Variants in C15orf40 observed in about 807,000 individuals in gnomAD.
The protein encoded by C15orf40 is chromosome 15 open reading frame 40.
A neutral mutation model predicts 13.9 loss-of-function variants in C15orf40; 9 were observed. The ratio of observed to expected loss-of-function variants is 0.65; its 90% confidence interval spans 0.39 to 1.13. C15orf40 has a LOEUF of 1.13. Among genes scored for constraint, C15orf40 ranks in the 50% most tolerant of loss-of-function variants. The pLI is 0.01. For missense variants in C15orf40, 225 were observed against 188.5 expected, an observed-to-expected ratio of 1.19 and a Z score of -1.13; for synonymous variants, 95 against 69.2, an observed-to-expected ratio of 1.37 and a Z score of -1.85.
chr15:83,011,172 T>A (rs1315965176), intron 1 of C15orf40: 10 of 274,020 alleles, frequency 3.6e-5, no homozygotes, highest in Non-Finnish European at 5.5e-5. Flanking sequence ...GAAACGCAGG[T>A]CATGCCGCTG....
rs943044010 is a variant in C15orf40 at position 82,997,217 on chromosome 15, T to TA, written c.*8379_*8380insT. 2 of 93,264 alleles carry TA rather than the reference T, an allele frequency of 2.1e-5. No individual in the cohort carries two copies. The highest frequency in any genetic ancestry group is 4.0e-5 in the Non-Finnish European group (2 of 49,438). The allele number at this position is 93,264 out of a possible 1,614,324, so 5.8% of individuals were successfully genotyped here. On this transcript the variant is annotated 3_prime_UTR_variant, in exon 4 of 4. Transcript: ENST00000304177. The stretch of plus-strand genomic sequence containing the variant: ...TGTTTTTCATTTTTATTTATTTATT[T>TA]TTATTTTTTTTTAATTTATTTTTTT...
intron 1 of C15orf40, 120 bp from the exon 2 acceptor site, chr15:83,010,483 G>GAAGTCCCT: frequency 1.7e-6 from 2 of 1,186,172 alleles, no homozygotes; most frequent in Non-Finnish European, 2.4e-6. Context: ...GTGGTGTCCA[G>GAAGTCCCT]GGACTTCTGG....
intron 3 of C15orf40, among the ~76,000 whole-genome samples, chr15:83,007,526 AC>A (rs1596410165): frequency 6.6e-6 from 1 of 152,342 alleles, no homozygotes; most frequent in East Asian, 1.9e-4. Context: ...AAAGTTATAA[AC>A]AACTAGTTTC....
At chr15:83,006,288 GA>G in intron 3 of C15orf40, 7 of 742,472 alleles carry the variant, frequency 9.4e-6, no homozygotes, top group Non-Finnish European at 1.1e-5. Flanking sequence ...AGTTAAAAAT[GA>G]AAATCATCTT....
chr15:82,989,204 AAT>A, downstream of C15orf40: 3 of 1,609,550 alleles, frequency 1.9e-6, no homozygotes, highest in Non-Finnish European at 2.5e-6. Context: ...TATTCAAAAG[AAT>A]AAATGCAGAT....
chr15:83,010,473 G>C (rs1421404774), intron 1 of C15orf40, 110 bp from the exon 2 acceptor site: 1 of 1,324,840 alleles, frequency 7.5e-7, no homozygotes, highest in Non-Finnish European at 1.1e-6. Context: ...AGGCTCATCA[G>C]TGGTGTCCAG....
chr15:83,006,676 G>A (rs138117909), intron 3 of C15orf40, among the ~76,000 whole-genome samples: 1,658 of 152,228 alleles, frequency 0.011, 9 homozygotes, highest in Non-Finnish European at 0.017. Context: ...CACTTGAACC[G>A]GGGAGGGGCG....
rs1424595504 is a variant in C15orf40, at chr15:82,998,294, C to T, written c.*7303G>A. ...GACCCCCCCCCACCTCCCTCCCGGA[C>T]GGGGTGGCTGCCGGGCGGAGACGCT... On this transcript the variant is annotated 3_prime_UTR_variant, in exon 4 of 4. Coordinates refer to ENST00000304177, the MANE Select transcript of C15orf40 (RefSeq NM_144597.3). 28 of 140,878 alleles carry T rather than the reference C, an allele frequency of 2.0e-4. No individual in the cohort carries two copies. The highest frequency in any genetic ancestry group is 7.1e-4 in the African/African-American group (23 of 32,182). 8.7% of individuals were successfully genotyped at this position (140,878 alleles called of 1,614,324 possible). A position where few individuals can be genotyped will look rare whatever the true frequency, so the allele number is the denominator to read the frequency against.
downstream of C15orf40, chr15:82,990,604 A>G (rs371615072): frequency 2.1e-4 from 297 of 1,442,504 alleles, 1 homozygote; most frequent in African/African-American, 3.7e-3. Flanking sequence ...TAATCTATAG[A>G]TGAGTCAGCT....
chr15:83,006,581 A>G, intron 3 of C15orf40: 1 of 492,316 alleles, frequency 2.0e-6, no homozygotes, highest in Non-Finnish European at 2.6e-6. Context: ...CCAATGTGGC[A>G]AAACCCTGTC....
rs1361282935 is a variant in C15orf40, at chr15:83,005,569, C to A, written c.*28G>T. Reference sequence around the variant, plus strand: ...AAAGTGCTGGGATTACAGGCATGAGCCACTGCGCCCGGCCTCATTTCTTGC... The same window carrying A: ...AAAGTGCTGGGATTACAGGCATGAGACACTGCGCCCGGCCTCATTTCTTGC... On this transcript the variant is annotated 3_prime_UTR_variant, in exon 4 of 4. Transcript: ENST00000304177. 2.5e-6 allele frequency: 4 copies of A among 1,578,932 alleles called. No homozygotes were observed. The East Asian group carries it at 7.0e-5, about 28-fold the overall frequency.
Position 83,010,196 on chromosome 15 carries a change from C to A in C15orf40, c.238+41G>T, listed in dbSNP as rs1200999737. The A allele has an allele frequency of 5.0e-6, 8 of 1,612,516 alleles. No individual in the cohort carries two copies. The East Asian group carries it at 1.3e-4, about 27-fold the overall frequency. ...AAGCAAAGGAGGGCTGTAGGAGACA[C>A]CTGATTCACACTTGAATCCCACCCC... On this transcript the variant is annotated intron_variant, in intron 2 of 3. Transcript: ENST00000304177.
intron 3 of C15orf40, among the ~76,000 whole-genome samples, chr15:83,007,204 T>G (rs1004097694): frequency 6.6e-6 from 1 of 152,246 alleles, no homozygotes; most frequent in Admixed American, 6.5e-5. Flanking sequence ...CATATGAACC[T>G]TCTATCTTCC....
downstream of C15orf40, chr15:82,991,845 A>C (rs113565318): frequency 6.8e-5 from 86 of 1,259,074 alleles, no homozygotes; most frequent in Middle Eastern, 6.5e-4. Context: ...ATAGGATTTG[A>C]TACTACAGAT....
At position 83,001,464 on chromosome 15, in the gene C15orf40, C is replaced by G. The variant is rs566612492; in HGVS notation, c.*4133G>C. 66 of 246,842 alleles carry G rather than the reference C, an allele frequency of 2.7e-4. No homozygotes were observed. The highest frequency in any genetic ancestry group is 2.1e-3 in the Middle Eastern group (1 of 480). The allele number at this position is 246,842 out of a possible 1,614,324, so 15.3% of individuals were successfully genotyped here. A position where few individuals can be genotyped will look rare whatever the true frequency, so the allele number is the denominator to read the frequency against. Reference sequence around the variant, plus strand: ...ATATTTTTCAAACCTTATTCATAGGCTGCTTCAAATCCAGGATTCTCAGGA... The same window carrying G: ...ATATTTTTCAAACCTTATTCATAGGGTGCTTCAAATCCAGGATTCTCAGGA... On this transcript the variant is annotated 3_prime_UTR_variant, in exon 4 of 4. Transcript: ENST00000304177.
chr15:82,992,625 C>G (rs2151272943), downstream of C15orf40, among the ~76,000 whole-genome samples: 1 of 152,256 alleles, frequency 6.6e-6, no homozygotes, highest in East Asian at 1.9e-4. Context: ...CTGTGCTGTG[C>G]CAGCTGTTGA....
downstream of C15orf40, chr15:82,990,003 C>G: frequency 4.4e-6 from 7 of 1,589,928 alleles, no homozygotes; most frequent in Non-Finnish European, 6.0e-6. Context: ...AGACAAGAAC[C>G]TTACTATCCC....
At chr15:83,009,959 C>G (rs1261889822) in intron 2 of C15orf40, among the ~76,000 whole-genome samples, 1 of 152,140 alleles carries the variant, frequency 6.6e-6, no homozygotes, top group African/African-American at 2.4e-5. Flanking sequence ...AAGAATAATC[C>G]AGACTACACA....
chr15:83,006,633 T>G, intron 3 of C15orf40: 1 of 175,718 alleles, frequency 5.7e-6, no homozygotes, highest in Non-Finnish European at 1.1e-5. Flanking sequence ...GCGCCTCCAA[T>G]CCCAGCTACT....
Sources: gnomAD v4.1 joint callset for allele counts (sites outside exome capture counted in the v4.1 genomes callset) on GRCh38, gnomAD v4.1.1 for gene constraint, MANE v1.5 for transcripts, NCBI Gene and HGNC (gene_info 2026-07-23, HGNC 2026-07-21) for gene names.